Variants in SLC35F4 observed in about 807,000 individuals in gnomAD.
The protein encoded by SLC35F4 is chromosome 14 open reading frame 36.
In SLC35F4, 24 loss-of-function variants were observed where a neutral mutation model predicts 44.2. The ratio of observed to expected loss-of-function variants is 0.54; its 90% CI spans 0.39 to 0.76. The LOEUF (loss-of-function observed/expected upper bound fraction) is 0.76, where lower values mean the gene tolerates loss of function less well. Among genes scored for constraint, SLC35F4 ranks in the 30% least tolerant of loss-of-function variants. The probability of loss-of-function intolerance (pLI) is 0.00; values close to 1 mark genes in which losing one functional copy is unlikely to be tolerated. For synonymous variants in SLC35F4, 238 were observed against 223.6 expected, an observed-to-expected ratio of 1.06 and a Z score of -0.57; for missense variants, 562 against 586.1, an observed-to-expected ratio of 0.96 and a Z score of 0.42.
chr14:57,930,888 G>T (rs1042988546), intron 1 of SLC35F4, among the ~76,000 whole-genome samples: 10 of 152,050 alleles, frequency 6.6e-5, no homozygotes, highest in African/African-American at 2.4e-4. Context: ...CTTTGAAAAA[G>T]GAAGAGTAAT....
intron 1 of SLC35F4, among the ~76,000 whole-genome samples, chr14:57,853,856 C>G (rs1042930676): frequency 2.0e-5 from 3 of 152,178 alleles, no homozygotes; most frequent in Non-Finnish European, 4.4e-5. Flanking sequence ...CCCTCCCCTT[C>G]AAACCCATGA....
chr14:57,850,744 G>A (rs1471401629), intron 1 of SLC35F4, among the ~76,000 whole-genome samples: 1 of 152,148 alleles, frequency 6.6e-6, no homozygotes, highest in Non-Finnish European at 1.5e-5. Flanking sequence ...TGTCTTCTCT[G>A]TAGACCAACA....
At chr14:57,927,482 T>C (rs928030753) in intron 1 of SLC35F4, among the ~76,000 whole-genome samples, 1 of 151,164 alleles carries the variant, frequency 6.6e-6, no homozygotes, top group African/African-American at 2.4e-5. Flanking sequence ...TTTTTTTTAA[T>C]TACTTTTCTT....
chr14:57,603,351 T>A (rs1459549966), intron 1 of SLC35F4, among the ~76,000 whole-genome samples: 1 of 152,230 alleles, frequency 6.6e-6, no homozygotes, highest in Non-Finnish European at 1.5e-5. Context: ...AACATGGCTA[T>A]CTTAGACTTC....
chr14:57,977,427 C>G (rs543142470), intron 1 of SLC35F4, among the ~76,000 whole-genome samples: 1 of 152,180 alleles, frequency 6.6e-6, no homozygotes, highest in Non-Finnish European at 1.5e-5. Flanking sequence ...CAATACCATG[C>G]CTTCTGTGAC....
chr14:57,687,530 A>C (rs1183917134), intron 1 of SLC35F4, among the ~76,000 whole-genome samples: 1 of 152,176 alleles, frequency 6.6e-6, no homozygotes, highest in Non-Finnish European at 1.5e-5. Context: ...AGCTCTTTTG[A>C]ATTCCAAGCT....
intron 1 of SLC35F4, among the ~76,000 whole-genome samples, chr14:57,858,318 G>A (rs1215444452): frequency 6.6e-6 from 1 of 151,956 alleles, no homozygotes; most frequent in Non-Finnish European, 1.5e-5. Context: ...AAGAAAATGT[G>A]GCACATATAC....
At chr14:57,830,255 A>G (rs774395519) in intron 1 of SLC35F4, among the ~76,000 whole-genome samples, 7 of 152,172 alleles carry the variant, frequency 4.6e-5, no homozygotes, top group Non-Finnish European at 1.0e-4. Context: ...AAATTGATCA[A>G]TCTCTGTAAT....
chr14:57,872,999 G>A (rs1233931316), intron 1 of SLC35F4, among the ~76,000 whole-genome samples: 1 of 152,180 alleles, frequency 6.6e-6, no homozygotes, highest in Non-Finnish European at 1.5e-5. Context: ...GGGAAGCCAA[G>A]TGGAGAAATC....
At chr14:57,924,695 C>T (rs1355049532) in intron 1 of SLC35F4, among the ~76,000 whole-genome samples, 1 of 152,096 alleles carries the variant, frequency 6.6e-6, no homozygotes, top group Non-Finnish European at 1.5e-5. Flanking sequence ...GATCTGCCCG[C>T]CTCAGCCTCC....
chr14:57,858,305 A>T (rs1887325602), intron 1 of SLC35F4, among the ~76,000 whole-genome samples: 1 of 152,070 alleles, frequency 6.6e-6, no homozygotes, highest in Non-Finnish European at 1.5e-5. Context: ...GATAGACTGG[A>T]TTAAGAAAAT....
chr14:57,891,555 G>A (rs988643342), intron 1 of SLC35F4, among the ~76,000 whole-genome samples: 27 of 152,094 alleles, frequency 1.8e-4, no homozygotes, highest in African/African-American at 6.5e-4. Flanking sequence ...TATAAGTACA[G>A]TAAATTTTAA....
chr14:57,706,138 C>T (rs2075669577), intron 1 of SLC35F4, among the ~76,000 whole-genome samples: 1 of 152,200 alleles, frequency 6.6e-6, no homozygotes, highest in African/African-American at 2.4e-5. Flanking sequence ...CTTGAATCAA[C>T]TGTGAACTGT....
Position 57,670,548 on chromosome 14 carries a change from T to G in SLC35F4, c.104-76424A>C, listed in dbSNP as rs147780103. 1.3e-3 allele frequency among the ~76,000 whole-genome samples: 194 copies of G among 152,190 alleles called. 2 individuals carry two copies. Among genetic ancestry groups the G allele is most frequent in the African/African-American group, 4.2e-3 (176 of 41,460 alleles). On this transcript the variant is annotated intron_variant, in intron 1 of 7. Coordinates refer to ENST00000556826, the MANE Select transcript of SLC35F4 (RefSeq NM_001306087.2). Reference sequence around the variant, plus strand: ...TATGTTGTGTCTTTGTTCTCGTTGGTTTCAAAGAACATCTTTATTTCTGCC... The same window carrying G: ...TATGTTGTGTCTTTGTTCTCGTTGGGTTCAAAGAACATCTTTATTTCTGCC...
At chr14:57,753,812 C>G (rs2076937353) in intron 1 of SLC35F4, among the ~76,000 whole-genome samples, 1 of 152,108 alleles carries the variant, frequency 6.6e-6, no homozygotes, top group African/African-American at 2.4e-5. Flanking sequence ...TCCATAAACA[C>G]TGGCCTCCAC....
At chr14:57,675,565 T>C (rs529741383) in intron 1 of SLC35F4, among the ~76,000 whole-genome samples, 1 of 152,062 alleles carries the variant, frequency 6.6e-6, no homozygotes. Flanking sequence ...CTATAAGTGG[T>C]GAAAGTGGGC....
intron 1 of SLC35F4, among the ~76,000 whole-genome samples, chr14:57,894,851 G>A (rs998755246): frequency 6.6e-6 from 1 of 152,114 alleles, no homozygotes; most frequent in African/African-American, 2.4e-5. Flanking sequence ...GGCTATTTGA[G>A]AGTTTCAGGG....
intron 1 of SLC35F4, among the ~76,000 whole-genome samples, chr14:57,840,297 G>T (rs1181597451): frequency 2.0e-5 from 3 of 152,154 alleles, no homozygotes. Context: ...CTAATGCCAG[G>T]CATTGTGCCC....
At chr14:57,751,792 C>T (rs532340419) in intron 1 of SLC35F4, among the ~76,000 whole-genome samples, 1 of 152,124 alleles carries the variant, frequency 6.6e-6, no homozygotes, top group Non-Finnish European at 1.5e-5. Context: ...TCACATAGCA[C>T]TTATGAGGGC....
Sources: allele counts gnomAD v4.1 joint callset (sites outside exome capture counted in the v4.1 genomes callset), GRCh38; gene constraint gnomAD v4.1.1; transcripts MANE v1.5; gene names NCBI Gene and HGNC (gene_info 2026-07-23, HGNC 2026-07-21).